Variants in ABLIM3 observed in about 807,000 individuals in gnomAD.
ABLIM3 encodes actin binding LIM protein family member 3, also known as actin-binding LIM protein 3.
A neutral mutation model predicts 109.5 loss-of-function variants in ABLIM3; 61 were observed. The ratio of observed to expected loss-of-function variants is 0.56; its 90% CI spans 0.45 to 0.69. The LOEUF is 0.69. Ranked by LOEUF, ABLIM3 falls within the 30% of genes least tolerant of loss-of-function variation. The pLI is 0.00. For missense variants in ABLIM3, 796 were observed against 889.5 expected (o/e 0.89, Z 1.34); for synonymous variants, 300 against 324.8 (o/e 0.92, Z 0.82).
At chr5:149,160,615 G>A (rs1390020539) in intron 2 of ABLIM3, among the ~76,000 whole-genome samples, 1 of 152,144 alleles carries the variant, frequency 6.6e-6, no homozygotes, top group South Asian at 2.1e-4. Context: ...GGCATGGTGG[G>A]TGCCAAAAAA....
intron 3 of ABLIM3, among the ~76,000 whole-genome samples, chr5:149,195,095 G>A (rs1369728643): frequency 6.6e-6 from 1 of 152,128 alleles, no homozygotes; most frequent in Non-Finnish European, 1.5e-5. Flanking sequence ...AAAACTGTAT[G>A]ACAGAGTCTT....
intron 4 of ABLIM3, chr5:149,199,153 A>G: frequency 2.2e-6 from 1 of 456,616 alleles, no homozygotes; most frequent in Non-Finnish European, 4.4e-6. Flanking sequence ...ATGCCAAGCA[A>G]CACATTAAGG....
intron 8 of ABLIM3, among the ~76,000 whole-genome samples, chr5:149,226,837 G>A (rs113679854): frequency 0.028 from 4,273 of 152,152 alleles, 181 homozygotes; most frequent in African/African-American, 0.095. Context: ...TTGGGAGGCC[G>A]AGGCGGGCAG....
chr5:149,233,842 T>C (rs1355299654), intron 10 of ABLIM3, among the ~76,000 whole-genome samples: 2 of 152,176 alleles, frequency 1.3e-5, no homozygotes, highest in Non-Finnish European at 2.9e-5. Context: ...CCCACCTCCA[T>C]GTGTCTGAGC....
At chr5:149,233,603 G>T (rs1214971140) in intron 10 of ABLIM3, among the ~76,000 whole-genome samples, 1 of 152,190 alleles carries the variant, frequency 6.6e-6, no homozygotes, top group Non-Finnish European at 1.5e-5. Context: ...TAAAACCAAT[G>T]CAAGGTGCCT....
intron 2 of ABLIM3, among the ~76,000 whole-genome samples, chr5:149,178,420 T>C (rs1004407398): frequency 3.3e-5 from 5 of 152,218 alleles, no homozygotes; most frequent in African/African-American, 1.2e-4. Flanking sequence ...GTTTCACCTT[T>C]CAACCAGAAG....
At chr5:149,194,560 C>G (rs747270313) in intron 3 of ABLIM3, among the ~76,000 whole-genome samples, 1 of 152,206 alleles carries the variant, frequency 6.6e-6, no homozygotes, top group Non-Finnish European at 1.5e-5. Context: ...AGTAGACCAA[C>G]TGTGATGTAT....
At chr5:149,209,967 C>T (rs563739741) in intron 6 of ABLIM3, among the ~76,000 whole-genome samples, 1 of 136,324 alleles carries the variant, frequency 7.3e-6, no homozygotes, top group Non-Finnish European at 1.6e-5. Context: ...CTCTTACACC[C>T]AAAAGTGAAA....
intron 3 of ABLIM3, among the ~76,000 whole-genome samples, chr5:149,184,354 A>G (rs1294060312): frequency 6.6e-6 from 1 of 152,194 alleles, no homozygotes; most frequent in Non-Finnish European, 1.5e-5. Flanking sequence ...CTGTGGGTTT[A>G]GAAAATGACC....
At chr5:149,208,104 C>T (rs1267089946) in intron 6 of ABLIM3, among the ~76,000 whole-genome samples, 1 of 152,244 alleles carries the variant, frequency 6.6e-6, no homozygotes, top group Non-Finnish European at 1.5e-5. Flanking sequence ...ATGCTGCGTT[C>T]ATGAAGAATT....
intron 7 of ABLIM3, among the ~76,000 whole-genome samples, chr5:149,215,264 G>A (rs1357656106): frequency 6.6e-6 from 1 of 152,200 alleles, no homozygotes; most frequent in East Asian, 1.9e-4. Context: ...CATGGTACAA[G>A]GGAATCAGTC....
chr5:149,254,051 C>G (rs1163634210), intron 23 of ABLIM3, among the ~76,000 whole-genome samples: 1 of 152,130 alleles, frequency 6.6e-6, no homozygotes, highest in Non-Finnish European at 1.5e-5. Context: ...TCTCATGAGA[C>G]TTATTCACTA....
At position 149,208,350 on chromosome 5, in the gene ABLIM3, G is replaced by GTCTC. The variant is rs10564662; in HGVS notation, c.575+1249_575+1252dup. On this transcript the variant is annotated intron_variant, in intron 6 of 23. Coordinates refer to ENST00000309868, the MANE Select transcript of ABLIM3 (RefSeq NM_014945.5). Reference sequence around the variant, plus strand: ...TCTGTCTTTCTCTATCTATCTTTTTGTCTCTCTCTCTCTCTCTCTCTCTCT... The same window carrying GTCTC: ...TCTGTCTTTCTCTATCTATCTTTTTGTCTCTCTCTCTCTCTCTCTCTCTCTCTCT... 1.2e-3 allele frequency among the ~76,000 whole-genome samples: 161 copies of GTCTC among 132,290 alleles called. 2 individuals carry two copies. Among genetic ancestry groups the GTCTC allele is most frequent in the Middle Eastern group, 7.9e-3 (2 of 252 alleles). 86.8% of individuals were successfully genotyped at this position (132,290 alleles called of 152,430 possible).
intron 10 of ABLIM3, among the ~76,000 whole-genome samples, chr5:149,233,677 T>C (rs1762087203): frequency 6.6e-6 from 1 of 152,090 alleles, no homozygotes; most frequent in African/African-American, 2.4e-5. Context: ...TCTGAATAGG[T>C]ATTAGGTGGA....
chr5:149,165,591 G>C (rs1345846890), intron 2 of ABLIM3, among the ~76,000 whole-genome samples: 2 of 152,162 alleles, frequency 1.3e-5, no homozygotes, highest in Non-Finnish European at 2.9e-5. Flanking sequence ...GTCAAAAGAA[G>C]ATCTCCCTGA....
chr5:149,237,359 C>A, intron 10 of ABLIM3, 89 bp from the exon 11 acceptor site: 1 of 1,328,568 alleles, frequency 7.5e-7, no homozygotes, highest in Non-Finnish European at 1.0e-6. Flanking sequence ...GAAGTTTGTT[C>A]CTTCTGTATC....
In ABLIM3 at chr5:149,252,803, G is replaced by A. The variant is rs757936962; in HGVS notation, c.1904G>A (p.Arg635Gln). Residue 635 changes from arginine (R) to glutamine (Q), a missense_variant, in exon 23 of 24, where the codon CGA becomes CAA. By Grantham distance (43) the Arg-to-Gln change is conservative (BLOSUM62 1). Coordinates refer to ENST00000309868, the MANE Select transcript of ABLIM3 (RefSeq NM_014945.5). Reference protein sequence around the residue: ...LLLVTTRGRNRLPKDVDRTRL... With the variant: ...LLLVTTRGRNQLPKDVDRTRL... ...CTGGTGACTACAAGAGGAAGAAACCGACTGCCCAAGGATGTAGACAGGACC... is the reference window on the plus strand; with the variant it reads ...CTGGTGACTACAAGAGGAAGAAACCAACTGCCCAAGGATGTAGACAGGACC... 71 of 1,613,200 alleles carry A rather than the reference G, an allele frequency of 4.4e-5. No homozygotes were observed. In the Middle Eastern group the frequency reaches 6.6e-4, roughly 15 times the overall value.
intron 2 of ABLIM3, among the ~76,000 whole-genome samples, chr5:149,158,315 TA>T (rs1754028198): frequency 6.6e-6 from 1 of 152,236 alleles, no homozygotes; most frequent in African/African-American, 2.4e-5. Flanking sequence ...TGTGTGCTCC[TA>T]ATTCAAATGC....
rs1388927382 is a variant in ABLIM3, at chr5:149,260,345, T to C, written c.*1941T>C. On this transcript the variant is annotated 3_prime_UTR_variant, in exon 24 of 24. Transcript: ENST00000309868. ...GACGCAATCATGGAAGTTGCCTTAT[T>C]GTCACTGGTTAAGAACTTGGCGAGA... The C allele has an allele frequency of 6.6e-6, 1 of 152,642 alleles. No homozygotes were observed. The highest frequency in any genetic ancestry group is 1.5e-5 in the Non-Finnish European group (1 of 68,034). The allele number at this position is 152,642 out of a possible 1,614,324, so 9.5% of individuals were successfully genotyped here.
Sources: allele counts gnomAD v4.1 joint callset (sites outside exome capture counted in the v4.1 genomes callset), GRCh38; gene constraint gnomAD v4.1.1; transcripts MANE v1.5; gene names NCBI Gene and HGNC (gene_info 2026-07-23, HGNC 2026-07-21).